KAZN: variants seen among roughly 807,000 people sequenced by gnomAD.
KAZN encodes the protein kazrin.
In KAZN, 40 loss-of-function variants were observed where a neutral mutation model predicts 87.4. The observed-to-expected ratio is 0.46, with a 90% CI of 0.36 to 0.60. The LOEUF is 0.60. KAZN is among the 20% of genes least tolerant of loss of function. The probability of loss-of-function intolerance (pLI) is 0.00; values close to 1 mark genes in which losing one functional copy is unlikely to be tolerated. For missense variants in KAZN, 898 were observed against 1,073.9 expected (o/e 0.84, Z 2.29); for synonymous variants, 466 against 458.3 (o/e 1.02, Z -0.22).
chr1:15,085,975 G>T (rs1227092971), intron 8 of KAZN, among the ~76,000 whole-genome samples: 1 of 149,928 alleles, frequency 6.7e-6, no homozygotes, highest in Non-Finnish European at 1.5e-5. Context: ...AGGACAAAAA[G>T]AAAAAATTTT....
At chr1:14,457,011 C>T (rs919956984) in intron 2 of KAZN, among the ~76,000 whole-genome samples, 22 of 152,134 alleles carry the variant, frequency 1.4e-4, no homozygotes, top group African/African-American at 5.3e-4. Context: ...ACCCGGGAGG[C>T]GGAGGTTGCG....
At chr1:14,010,054 G>T (rs1284520322) in intron 1 of KAZN, among the ~76,000 whole-genome samples, 1 of 152,038 alleles carries the variant, frequency 6.6e-6, no homozygotes, top group African/African-American at 2.4e-5. Flanking sequence ...CAACAATTTT[G>T]TTGTTGCCAT....
intron 1 of KAZN, among the ~76,000 whole-genome samples, chr1:14,752,823 C>T (rs929966278): frequency 3.3e-5 from 5 of 152,124 alleles, no homozygotes; most frequent in African/African-American, 4.8e-5. Flanking sequence ...ATCCTTTTTC[C>T]ACCACCACAC....
rs565908187 is a variant in KAZN at position 13,893,093 on chromosome 1, G to C, written c.-573G>C. 4 of 152,038 alleles carry C rather than the reference G, an allele frequency of 2.6e-5. No individual in the cohort carries two copies. In the East Asian group the frequency reaches 5.8e-4, roughly 22 times the overall value. The allele number at this position is 152,038 out of a possible 1,614,324, so 9.4% of individuals were successfully genotyped here. A position where few individuals can be genotyped will look rare whatever the true frequency, so the allele number is the denominator to read the frequency against. On this transcript the variant is annotated 5_prime_UTR_variant, in exon 1 of 17. Coordinates refer to the KAZN transcript ENST00000636203. The stretch of plus-strand genomic sequence containing the variant: ...CGCGTGCAGGACCTGGGGCCGCGGC[G>C]CTCGCGCGGGGACGCGGGAGCCCAG...
intron 2 of KAZN, among the ~76,000 whole-genome samples, chr1:14,373,836 G>A (rs866884861): frequency 6.6e-6 from 1 of 152,176 alleles, no homozygotes; most frequent in African/African-American, 2.4e-5. Context: ...AAAGATGAAA[G>A]TTGTGCCTCT....
At chr1:14,761,253 T>C (rs1386720656) in intron 1 of KAZN, among the ~76,000 whole-genome samples, 3 of 152,194 alleles carry the variant, frequency 2.0e-5, no homozygotes, top group Non-Finnish European at 4.4e-5. Flanking sequence ...TGCTGGCTCC[T>C]GCTCATCACT....
At chr1:14,672,037 A>G (rs1309129675) in intron 1 of KAZN, among the ~76,000 whole-genome samples, 1 of 152,214 alleles carries the variant, frequency 6.6e-6, no homozygotes, top group African/African-American at 2.4e-5. Context: ...CAGCCTAGAA[A>G]TGAACATCCT....
At chr1:13,893,837 G>T in intron 1 of KAZN, 1 of 1,439,720 alleles carries the variant, frequency 6.9e-7, no homozygotes, top group South Asian at 1.3e-5. Flanking sequence ...AGCGGTCTGT[G>T]TGTGTCTGTG....
intron 1 of KAZN, among the ~76,000 whole-genome samples, chr1:14,841,390 A>G (rs1647975671): frequency 4.6e-5 from 6 of 129,086 alleles, no homozygotes; most frequent in Admixed American, 3.8e-4. Flanking sequence ...TGGGCGACAG[A>G]GCAAGACTCC....
At chr1:14,850,311 A>G (rs1162140881) in intron 1 of KAZN, among the ~76,000 whole-genome samples, 2 of 152,190 alleles carry the variant, frequency 1.3e-5, no homozygotes, top group African/African-American at 4.8e-5. Flanking sequence ...AAGATGACTC[A>G]TAAACCAACA....
At chr1:14,816,688 A>T (rs189955757) in intron 1 of KAZN, among the ~76,000 whole-genome samples, 35 of 152,336 alleles carry the variant, frequency 2.3e-4, no homozygotes, top group African/African-American at 8.2e-4. Flanking sequence ...TAGATGATAG[A>T]TATAAATAGA....
rs759906787 is a variant in KAZN, at chr1:15,056,330, G to C, written c.916+50G>C. 6.5e-7 allele frequency: 1 copy of C among 1,530,946 alleles called. No individual in the cohort carries two copies. Among genetic ancestry groups the C allele is most frequent in the Non-Finnish European group, 8.9e-7 (1 of 1,129,066 alleles). 94.8% of individuals were successfully genotyped at this position (1,530,946 alleles called of 1,614,324 possible). A position where few individuals can be genotyped will look rare whatever the true frequency, so the allele number is the denominator to read the frequency against. On this transcript the variant is annotated intron_variant, in intron 5 of 14. Coordinates refer to ENST00000376030, the MANE Select transcript of KAZN (RefSeq NM_201628.3). This position sits in a 1 kb window ranked among gnomAD's most constrained non-coding sequence, Gnocchi z 5.4. ...CACCACGGCTTCGAGGGGCTTCACA[G>C]GAGGCCATCTGACCCAGTGGGAGAG... is the stretch of plus-strand genomic sequence containing the variant.
chr1:14,470,267 GC>G lies in KAZN; in HGVS notation c.250-128715del, dbSNP rs533331543. 4.2e-3 allele frequency among the ~76,000 whole-genome samples: 633 copies of G among 152,286 alleles called. 4 individuals carry two copies. Among genetic ancestry groups the G allele is most frequent in the African/African-American group, 0.013 (558 of 41,570 alleles). On this transcript the variant is annotated intron_variant, in intron 2 of 16. Transcript: ENST00000636203. ...GTCAACTAGACTGATAAAACATGAAGCAGCCTCCTTAGAAGAGGTGTTTTCA... is the reference window on the plus strand; with the variant it reads ...GTCAACTAGACTGATAAAACATGAAGAGCCTCCTTAGAAGAGGTGTTTTCA...
At chr1:14,155,742 C>T (rs1645579532) in intron 1 of KAZN, among the ~76,000 whole-genome samples, 1 of 151,992 alleles carries the variant, frequency 6.6e-6, no homozygotes, top group Non-Finnish European at 1.5e-5. Context: ...CTCTGCCTCC[C>T]AGATACAAGT....
At chr1:14,986,457 A>C (rs772167345) in intron 2 of KAZN, among the ~76,000 whole-genome samples, 2 of 152,172 alleles carry the variant, frequency 1.3e-5, no homozygotes, top group Non-Finnish European at 2.9e-5. Context: ...CTCTATATGA[A>C]TATTTTAATA....
intron 1 of KAZN, among the ~76,000 whole-genome samples, chr1:14,786,181 C>A (rs1645503669): frequency 6.6e-6 from 1 of 152,226 alleles, no homozygotes; most frequent in South Asian, 2.1e-4. Context: ...GACTCTCCAA[C>A]TCCATCTAAA....
At chr1:14,011,493 C>T (rs1001464538) in intron 1 of KAZN, among the ~76,000 whole-genome samples, 15 of 152,166 alleles carry the variant, frequency 9.9e-5, no homozygotes, top group South Asian at 2.1e-4. Flanking sequence ...AATCATTGGT[C>T]CCATCGTGGA....
chr1:14,222,640 T>C (rs1205923364), intron 2 of KAZN, among the ~76,000 whole-genome samples: 2 of 152,212 alleles, frequency 1.3e-5, no homozygotes, highest in Non-Finnish European at 1.5e-5. Context: ...TGTTATAGTC[T>C]CCATACCAAA....
Position 14,143,717 on chromosome 1 carries a change from T to C in KAZN, c.92-36718T>C, listed in dbSNP as rs12086419. On this transcript the variant is annotated intron_variant, in intron 1 of 16. Coordinates refer to the KAZN transcript ENST00000636203. ...CTTCCCCCACCAAAGTTTGCTCTGCTTTTTTTTTTCTTTTTTTTGAGACAG... is the reference window on the plus strand; with the variant it reads ...CTTCCCCCACCAAAGTTTGCTCTGCCTTTTTTTTTCTTTTTTTTGAGACAG... Among the ~76,000 whole-genome samples, 1,255 of 149,432 alleles carry C rather than the reference T, an allele frequency of 8.4e-3. 21 individuals are homozygous for C. The highest frequency in any genetic ancestry group is 0.029 in the African/African-American group (1,164 of 40,816).
Sources: allele counts gnomAD v4.1 joint callset (sites outside exome capture counted in the v4.1 genomes callset), GRCh38; gene constraint gnomAD v4.1.1; non-coding constraint Gnocchi (gnomAD v3.1); transcripts MANE v1.5; gene names NCBI Gene and HGNC (gene_info 2026-07-23, HGNC 2026-07-21).